KIAA1217: variants seen among roughly 807,000 people sequenced by gnomAD.
KIAA1217 encodes KIAA1217, also known as sickle tail protein homolog.
A neutral mutation model predicts 163.9 loss-of-function variants in KIAA1217; 88 were observed. The observed-to-expected ratio is 0.54, with a 90% confidence interval of 0.45 to 0.64. KIAA1217 has a LOEUF of 0.64. Ranked by LOEUF, KIAA1217 falls within the 30% of genes least tolerant of loss-of-function variation. KIAA1217 has a pLI of 0.00. For synonymous variants in KIAA1217, 903 were observed against 923.1 expected (o/e 0.98, Z 0.39); for missense variants, 2,372 against 2,475.0 (o/e 0.96, Z 0.88).
Position 23,810,541 on chromosome 10 carries a change from G to A in KIAA1217, c.-321+115307G>A, listed in dbSNP as rs976382328. 1.5e-4 allele frequency among the ~76,000 whole-genome samples: 19 copies of A among 128,620 alleles called. No homozygotes were observed. The South Asian group carries it at 4.2e-3, about 28-fold the overall frequency. The allele number at this position is 128,620 out of a possible 152,430, so 84.4% of individuals were successfully genotyped here. On this transcript the variant is annotated intron_variant, in intron 1 of 18. Coordinates refer to the KIAA1217 transcript ENST00000376462. Reference sequence around the variant, plus strand: ...AGATAATCTATATATAGTATATATAGTATAATCTATATATAGTATATATAG... The same window carrying A: ...AGATAATCTATATATAGTATATATAATATAATCTATATATAGTATATATAG...
At chr10:24,298,702 G>A (rs879397834) in intron 2 of KIAA1217, among the ~76,000 whole-genome samples, 1 of 152,178 alleles carries the variant, frequency 6.6e-6, no homozygotes, top group Non-Finnish European at 1.5e-5. Flanking sequence ...GGAGGCTGAG[G>A]CAGGAGAATC....
intron 2 of KIAA1217, among the ~76,000 whole-genome samples, chr10:24,310,038 G>C (rs1020485827): frequency 6.6e-6 from 1 of 152,088 alleles, no homozygotes; most frequent in Non-Finnish European, 1.5e-5. Context: ...CTCACGTGTT[G>C]GTGCTATCAC....
At chr10:24,217,139 C>T (rs948348688) in intron 1 of KIAA1217, among the ~76,000 whole-genome samples, 1 of 149,842 alleles carries the variant, frequency 6.7e-6, no homozygotes, top group South Asian at 2.1e-4. Context: ...AAAGCTAAAC[C>T]TCTTCAGATT....
At chr10:23,876,514 A>G (rs1294233947) in intron 1 of KIAA1217, among the ~76,000 whole-genome samples, 2 of 151,284 alleles carry the variant, frequency 1.3e-5, no homozygotes, top group African/African-American at 4.9e-5. Context: ...TAAAAAAAAA[A>G]GAAAATGCAC....
intron 2 of KIAA1217, among the ~76,000 whole-genome samples, chr10:24,279,237 GT>G (rs11331007): frequency 0.92 from 135,111 of 147,476 alleles, 62,042 homozygotes; most frequent in African/African-American, 0.97. Flanking sequence ...TCTAGTGTCT[GT>G]TTTTTTTTTT....
At chr10:23,717,575 C>T (rs1004340793) in intron 1 of KIAA1217, among the ~76,000 whole-genome samples, 5 of 152,088 alleles carry the variant, frequency 3.3e-5, no homozygotes, top group African/African-American at 1.2e-4. Context: ...AATCAAAAGT[C>T]CAGTAGCAGG....
At chr10:24,296,863 G>A (rs2040683833) in intron 2 of KIAA1217, among the ~76,000 whole-genome samples, 1 of 152,198 alleles carries the variant, frequency 6.6e-6, no homozygotes, top group Non-Finnish European at 1.5e-5. Context: ...CTAAAAATAA[G>A]CACTCTACAC....
At chr10:23,784,402 C>G (rs1399071701) in intron 1 of KIAA1217, among the ~76,000 whole-genome samples, 1 of 152,074 alleles carries the variant, frequency 6.6e-6, no homozygotes, top group East Asian at 1.9e-4. Context: ...CACTCTGTGT[C>G]TTTTGACTGG....
chr10:23,982,529 TTC>T (rs59075123), intron 1 of KIAA1217, among the ~76,000 whole-genome samples: 3,175 of 73,454 alleles, frequency 0.043, 69 homozygotes, highest in Middle Eastern at 0.066. Context: ...TGTTTTTTGT[TTC>T]TCTCTCTCTC....
chr10:23,758,109 T>A (rs1834015399), intron 1 of KIAA1217, among the ~76,000 whole-genome samples: 1 of 152,192 alleles, frequency 6.6e-6, no homozygotes, highest in African/African-American at 2.4e-5. Flanking sequence ...TTTGGTGTTA[T>A]CATATATAAG....
chr10:23,701,406 G>A (rs1836440198), intron 1 of KIAA1217, among the ~76,000 whole-genome samples: 1 of 152,188 alleles, frequency 6.6e-6, no homozygotes, highest in Non-Finnish European at 1.5e-5. Flanking sequence ...GGGTGAGAGA[G>A]CCACATTCTC....
At chr10:24,517,885 C>T (rs983946423) in intron 10 of KIAA1217, among the ~76,000 whole-genome samples, 1 of 152,180 alleles carries the variant, frequency 6.6e-6, no homozygotes, top group Non-Finnish European at 1.5e-5. Flanking sequence ...ATCCCAGCTA[C>T]TCAGCAGGCT....
chr10:24,026,700 A>G (rs890037784), intron 2 of KIAA1217, among the ~76,000 whole-genome samples: 3 of 118,322 alleles, frequency 2.5e-5, no homozygotes, highest in African/African-American at 9.5e-5. Context: ...TTTTGGTTAC[A>G]TTGATTTTTT....
intron 1 of KIAA1217, among the ~76,000 whole-genome samples, chr10:23,737,893 G>A (rs903597420): frequency 1.3e-5 from 2 of 150,144 alleles, no homozygotes; most frequent in Non-Finnish European, 3.0e-5. Context: ...GATATTGTTA[G>A]CTAATTTTTG....
intron 8 of KIAA1217, among the ~76,000 whole-genome samples, chr10:24,500,165 G>C (rs951814253): frequency 6.7e-6 from 1 of 150,362 alleles, no homozygotes; most frequent in Non-Finnish European, 1.5e-5. Context: ...AAGCTTTACA[G>C]GAAAGAGAAC....
chr10:24,545,421 C>G, intron 20 of KIAA1217: 1 of 1,298,036 alleles, frequency 7.7e-7, no homozygotes, highest in South Asian at 2.0e-5. Flanking sequence ...CAGAGACAAA[C>G]CAACCTGTGG....
intron 2 of KIAA1217, among the ~76,000 whole-genome samples, chr10:24,069,119 G>T (rs200222941): frequency 6.6e-6 from 1 of 152,186 alleles, no homozygotes; most frequent in Non-Finnish European, 1.5e-5. Flanking sequence ...GCAGAGCTAC[G>T]GCAAGTGTTC....
chr10:24,511,172 A>AAAG lies in KIAA1217; in HGVS notation c.2002-2086_2002-2085insAGA, dbSNP rs1554918365. ...TGTCTCAAAAAAAAAAAAAAAAAAA[A>AAAG]AGGAGCCTGGCCCCTATGAAGAACT... On this transcript the variant is annotated intron_variant, in intron 9 of 20. Transcript: ENST00000376454. 7.2e-3 allele frequency among the ~76,000 whole-genome samples: 831 copies of AAAG among 115,632 alleles called. 97 individuals carry two copies. The highest frequency in any genetic ancestry group is 0.028 in the African/African-American group (757 of 27,082). The allele number at this position is 115,632 out of a possible 152,430, so 75.9% of individuals were successfully genotyped here. A position where few individuals can be genotyped will look rare whatever the true frequency, so the allele number is the denominator to read the frequency against.
chr10:23,811,639 G>A lies in KIAA1217; in HGVS notation c.-321+116405G>A, dbSNP rs546436617. Among the ~76,000 whole-genome samples the A allele has an allele frequency of 2.6e-4, 40 of 152,070 alleles. 1 individual carries two copies. The highest frequency in any genetic ancestry group is 9.6e-4 in the African/African-American group (40 of 41,494). On this transcript the variant is annotated intron_variant, in intron 1 of 18. Coordinates refer to the KIAA1217 transcript ENST00000376462. ...GAAGCTGGAATTAGATGTACAACTT[G>A]GGAAATGACTGCACTCTTCCAAGCA...
Sources: allele counts gnomAD v4.1 joint callset (sites outside exome capture counted in the v4.1 genomes callset), GRCh38; gene constraint gnomAD v4.1.1; transcripts MANE v1.5; gene names NCBI Gene and HGNC (gene_info 2026-07-23, HGNC 2026-07-21).